Variants in ARMC9 observed in about 807,000 individuals in gnomAD.
ARMC9 encodes the protein armadillo repeat containing 9, also known as lisH domain-containing protein ARMC9.
In ARMC9, 94 loss-of-function variants were observed where a neutral mutation model predicts 107.0. That is an observed-to-expected ratio of 0.88 (90% CI 0.74 to 1.04). The LOEUF (loss-of-function observed/expected upper bound fraction) is 1.04, where lower values mean the gene tolerates loss of function less well. Among genes scored for constraint, ARMC9 ranks in the 50% least tolerant of loss-of-function variants. The pLI is 0.00. For synonymous variants in ARMC9, 380 were observed against 396.9 expected, an observed-to-expected ratio of 0.96 and a Z score of 0.51; for missense variants, 942 against 1,030.1, an observed-to-expected ratio of 0.91 and a Z score of 1.17.
chr2:231,279,794 G>A (rs2040065472), intron 16 of ARMC9, among the ~76,000 whole-genome samples: 1 of 152,020 alleles, frequency 6.6e-6, no homozygotes. Flanking sequence ...ACAAGCCTGA[G>A]CCACCATGCC....
At chr2:231,330,506 C>T (rs1669077) in intron 19 of ARMC9, among the ~76,000 whole-genome samples, 49,303 of 152,028 alleles carry the variant, frequency 0.32, 8,158 homozygotes, top group Middle Eastern at 0.37. Flanking sequence ...TGGTCACTGC[C>T]AAGTGTGGGT....
At chr2:231,311,583 A>T (rs959461372) in intron 19 of ARMC9, among the ~76,000 whole-genome samples, 1 of 152,068 alleles carries the variant, frequency 6.6e-6, no homozygotes, top group African/African-American at 2.4e-5. Context: ...CAGCCTGGCC[A>T]ACATGGTGAA....
chr2:231,322,241 G>A (rs2043039395), intron 19 of ARMC9, among the ~76,000 whole-genome samples: 1 of 152,242 alleles, frequency 6.6e-6, no homozygotes, highest in Non-Finnish European at 1.5e-5. Flanking sequence ...AGCTGCACAC[G>A]TGGCCAGGGC....
chr2:231,309,683 T>G (rs1240377626), intron 19 of ARMC9, among the ~76,000 whole-genome samples: 2 of 152,078 alleles, frequency 1.3e-5, no homozygotes, highest in Non-Finnish European at 2.9e-5. Context: ...AATTCTGAAG[T>G]TGGAAGGACA....
At chr2:231,241,299 G>A (rs1049157451) in intron 9 of ARMC9, among the ~76,000 whole-genome samples, 1 of 151,900 alleles carries the variant, frequency 6.6e-6, no homozygotes, top group Non-Finnish European at 1.5e-5. Context: ...GGCCAAATAC[G>A]ACGTCGGTGA....
intron 8 of ARMC9, among the ~76,000 whole-genome samples, chr2:231,236,875 C>T (rs1218044415): frequency 6.6e-6 from 1 of 152,126 alleles, no homozygotes; most frequent in Non-Finnish European, 1.5e-5. Context: ...ACCCGGCTGG[C>T]AGAGGTTGCA....
At chr2:231,221,995 T>C (rs927658403) in intron 5 of ARMC9, among the ~76,000 whole-genome samples, 2 of 151,974 alleles carry the variant, frequency 1.3e-5, no homozygotes, top group African/African-American at 4.8e-5. Context: ...CTGAGGGCCA[T>C]GGGGCAGCAT....
intron 19 of ARMC9, among the ~76,000 whole-genome samples, chr2:231,316,913 C>T (rs1231916277): frequency 3.3e-5 from 5 of 152,066 alleles, no homozygotes; most frequent in Non-Finnish European, 5.9e-5. Context: ...CAGGCATGCA[C>T]CACCACACCT....
intron 18 of ARMC9, among the ~76,000 whole-genome samples, chr2:231,292,766 T>C (rs2041104255): frequency 6.6e-6 from 1 of 152,222 alleles, no homozygotes; most frequent in African/African-American, 2.4e-5. Flanking sequence ...GAATCCCTTC[T>C]GCACACGAGC....
At chr2:231,315,107 T>C (rs1441102436) in intron 19 of ARMC9, among the ~76,000 whole-genome samples, 23 of 150,374 alleles carry the variant, frequency 1.5e-4, no homozygotes, top group Admixed American at 1.5e-3. Flanking sequence ...GGTGTGGTGG[T>C]GCATGCCTGT....
At chr2:231,202,935 G>A (rs1179912018) in intron 1 of ARMC9, among the ~76,000 whole-genome samples, 2 of 152,116 alleles carry the variant, frequency 1.3e-5, no homozygotes, top group Non-Finnish European at 2.9e-5. Flanking sequence ...GCAGAAAGTT[G>A]TATAGGAACA....
At position 231,374,196 on chromosome 2, in the gene ARMC9, A is replaced by G. The variant is rs1292873754; in HGVS notation, c.*2661A>G. 3 of 152,202 alleles carry G rather than the reference A, an allele frequency of 2.0e-5. No homozygotes were observed. Among genetic ancestry groups the G allele is most frequent in the Non-Finnish European group, 4.4e-5 (3 of 68,038 alleles). The allele number at this position is 152,202 out of a possible 1,614,324, so 9.4% of individuals were successfully genotyped here. ...ACCTGTTTAAAGGCCAGATCTCCAG[A>G]TGGAGATCCAAGCAGATGGCGCCTA... On this transcript the variant is annotated 3_prime_UTR_variant, in exon 25 of 25. Transcript: ENST00000611582.
intron 19 of ARMC9, among the ~76,000 whole-genome samples, chr2:231,309,414 A>G (rs891084712): frequency 6.6e-6 from 1 of 152,226 alleles, no homozygotes; most frequent in Non-Finnish European, 1.5e-5. Context: ...TTTGGGAATA[A>G]TAGTACATTT....
At chr2:231,258,718 A>G (rs953086950) in intron 10 of ARMC9, among the ~76,000 whole-genome samples, 3 of 152,186 alleles carry the variant, frequency 2.0e-5, no homozygotes, top group Middle Eastern at 3.2e-3. Context: ...AGGTGAATGT[A>G]GGGGTTTCTA....
At chr2:231,201,718 C>T (rs909614926) in intron 1 of ARMC9, among the ~76,000 whole-genome samples, 19 of 152,226 alleles carry the variant, frequency 1.2e-4, no homozygotes, top group African/African-American at 4.6e-4. Flanking sequence ...AGTGTCCCAT[C>T]GTGGTTGTAC....
intron 12 of ARMC9, 72 bp from the exon 13 acceptor site, chr2:231,270,910 A>T: frequency 7.8e-7 from 1 of 1,290,282 alleles, no homozygotes; most frequent in Non-Finnish European, 1.1e-6. Context: ...GAACTACCAG[A>T]CCCGAAGAGG....
chr2:231,376,073 A>G lies in ARMC9; in HGVS notation c.*4538A>G, dbSNP rs1443339844. ...CACTTCCCCAGTCAATACCCTTGTGATTTCCTATGCCTGTCTTTACTTTAA... is the reference window on the plus strand; with the variant it reads ...CACTTCCCCAGTCAATACCCTTGTGGTTTCCTATGCCTGTCTTTACTTTAA... On this transcript the variant is annotated 3_prime_UTR_variant, in exon 25 of 25. Coordinates refer to ENST00000611582, the MANE Select transcript of ARMC9 (RefSeq NM_001352754.2). Among the ~76,000 whole-genome samples the G allele has an allele frequency of 6.6e-6, 1 of 152,162 alleles. No individual in the cohort carries two copies. The highest frequency in any genetic ancestry group is 2.1e-4 in the South Asian group (1 of 4,834).
intron 9 of ARMC9, among the ~76,000 whole-genome samples, chr2:231,245,473 G>A (rs1285045816): frequency 6.6e-6 from 1 of 152,180 alleles, no homozygotes; most frequent in African/African-American, 2.4e-5. Context: ...GGGCAGAAGG[G>A]GTTAGTGTTA....
chr2:231,328,570 A>G lies in ARMC9; in HGVS notation c.1774-3223A>G, dbSNP rs192168100. Among the ~76,000 whole-genome samples the G allele has an allele frequency of 2.7e-4, 41 of 152,140 alleles. No homozygotes were observed. In the East Asian group the frequency reaches 7.3e-3, roughly 27 times the overall value. On this transcript the variant is annotated intron_variant, in intron 19 of 24. Coordinates refer to ENST00000611582, the MANE Select transcript of ARMC9 (RefSeq NM_001352754.2). ...ACAAATGTTCAATTTCTCCAGCACTATTTGTTGAAAGGACTATCCTTTCTC... is the reference window on the plus strand; with the variant it reads ...ACAAATGTTCAATTTCTCCAGCACTGTTTGTTGAAAGGACTATCCTTTCTC...
Sources: allele counts gnomAD v4.1 joint callset (sites outside exome capture counted in the v4.1 genomes callset), GRCh38; gene constraint gnomAD v4.1.1; transcripts MANE v1.5; gene names NCBI Gene and HGNC (gene_info 2026-07-23, HGNC 2026-07-21).